The following TTC27 variants were observed in gnomAD, a reference collection of about 807,000 sequenced individuals.
TTC27 encodes the protein tetratricopeptide repeat protein 27.
In TTC27, 79 loss-of-function variants were observed where a neutral mutation model predicts 115.9. The observed-to-expected ratio is 0.68, with a 90% CI of 0.57 to 0.82. The LOEUF (loss-of-function observed/expected upper bound fraction) is 0.82. Among genes scored for constraint, TTC27 ranks in the 40% least tolerant of loss-of-function variants. The pLI, the probability that TTC27 is intolerant of heterozygous loss-of-function variation, is 0.00. For synonymous variants in TTC27, 401 were observed against 356.0 expected (o/e 1.13, Z -1.42); for missense variants, 1,054 against 993.1 (o/e 1.06, Z -0.82).
Position 32,821,019 on chromosome 2 carries a change from T to C in TTC27, c.*81T>C, listed in dbSNP as rs1439530909. The C allele has an allele frequency of 1.6e-6, 2 of 1,251,964 alleles. No homozygotes were observed. The highest frequency in any genetic ancestry group is 1.0e-6 in the Non-Finnish European group (1 of 971,716). The allele number at this position is 1,251,964 out of a possible 1,614,324, so 77.6% of individuals were successfully genotyped here. A position where few individuals can be genotyped will look rare whatever the true frequency, so the allele number is the denominator to read the frequency against. On this transcript the variant is annotated 3_prime_UTR_variant, in exon 20 of 20. Transcript: ENST00000317907. ...TCTGTATATCTGAAATGCAAGATAT[T>C]GATTTTTAAAATAAATTTGTTTTAT...
chr2:32,720,661 A>C (rs1267884075), intron 10 of TTC27, among the ~76,000 whole-genome samples: 1 of 152,206 alleles, frequency 6.6e-6, no homozygotes, highest in Non-Finnish European at 1.5e-5. Flanking sequence ...TTCCTAAAAA[A>C]TAGTGAATTA....
At chr2:32,684,300 A>T (rs187002723) in intron 9 of TTC27, among the ~76,000 whole-genome samples, 74 of 152,288 alleles carry the variant, frequency 4.9e-4, no homozygotes, top group African/African-American at 1.6e-3. Context: ...TATATGTGCC[A>T]CATTTTCTTA....
intron 19 of TTC27, among the ~76,000 whole-genome samples, chr2:32,820,016 G>A (rs1327549259): frequency 6.6e-6 from 1 of 152,222 alleles, no homozygotes; most frequent in Non-Finnish European, 1.5e-5. Flanking sequence ...TGATGACATT[G>A]GAGCAGTTCC....
chr2:32,676,948 A>T (rs1666231559), intron 8 of TTC27, among the ~76,000 whole-genome samples: 1 of 151,736 alleles, frequency 6.6e-6, no homozygotes, highest in South Asian at 2.1e-4. Context: ...TTCATATATT[A>T]AGAATATTTA....
chr2:32,635,127 A>G (rs1036755895), intron 3 of TTC27: 1 of 152,222 alleles, frequency 6.6e-6, no homozygotes, highest in Non-Finnish European at 1.5e-5. Context: ...TGTGTCGCCA[A>G]TAGAGCTTGC....
intron 11 of TTC27, among the ~76,000 whole-genome samples, chr2:32,735,264 G>A (rs1406128449): frequency 1.3e-5 from 2 of 152,182 alleles, no homozygotes; most frequent in Non-Finnish European, 2.9e-5. Context: ...AAAAGGAATA[G>A]CTTCTTCATC....
intron 12 of TTC27, among the ~76,000 whole-genome samples, chr2:32,755,409 C>G (rs1406281684): frequency 6.6e-6 from 1 of 152,222 alleles, no homozygotes; most frequent in South Asian, 2.1e-4. Context: ...AGCGAAACCC[C>G]GTCTCCACCA....
chr2:32,629,979 G>C (rs1664112413), intron 1 of TTC27, among the ~76,000 whole-genome samples: 1 of 152,178 alleles, frequency 6.6e-6, no homozygotes, highest in Non-Finnish European at 1.5e-5. Context: ...AACTTTCCTA[G>C]AAGAAGTTAG....
intron 12 of TTC27, among the ~76,000 whole-genome samples, chr2:32,753,243 A>G (rs1343420276): frequency 6.6e-6 from 1 of 152,126 alleles, no homozygotes; most frequent in Non-Finnish European, 1.5e-5. Context: ...GAGGATTGCA[A>G]GAGAACCACA....
At chr2:32,780,254 G>T in intron 14 of TTC27, 1 of 273,886 alleles carries the variant, frequency 3.7e-6, no homozygotes, top group South Asian at 3.6e-5. Context: ...GGGGAGTACT[G>T]CCATCTTAAT....
chr2:32,628,219 G>A lies in TTC27; in HGVS notation c.-74G>A. 2.1e-6 allele frequency: 3 copies of A among 1,445,144 alleles called. No individual in the cohort carries two copies. Among genetic ancestry groups the A allele is most frequent in the Non-Finnish European group, 2.9e-6 (3 of 1,047,204 alleles). 89.5% of individuals were successfully genotyped at this position (1,445,144 alleles called of 1,614,324 possible). On this transcript the variant is annotated 5_prime_UTR_variant, in exon 1 of 20. Transcript: ENST00000317907. ...GATTTCAGCGCCTTTGGACTCTCCTGTTTTCACTTTCTTTTGTTGACTCCC... is the reference window on the plus strand; with the variant it reads ...GATTTCAGCGCCTTTGGACTCTCCTATTTTCACTTTCTTTTGTTGACTCCC...
chr2:32,679,921 G>A (rs1185061522), intron 9 of TTC27, among the ~76,000 whole-genome samples: 1 of 152,160 alleles, frequency 6.6e-6, no homozygotes, highest in Non-Finnish European at 1.5e-5. Flanking sequence ...AACCCGGAAG[G>A]CGGAGGTTGC....
intron 13 of TTC27, among the ~76,000 whole-genome samples, chr2:32,773,633 G>A (rs1036061152): frequency 2.0e-5 from 3 of 152,208 alleles, no homozygotes; most frequent in Admixed American, 6.5e-5. Context: ...GCCTCTCTTA[G>A]GAGAGTGAGA....
chr2:32,649,166 G>T (rs1378774863), intron 4 of TTC27, among the ~76,000 whole-genome samples: 1 of 152,018 alleles, frequency 6.6e-6, no homozygotes, highest in Non-Finnish European at 1.5e-5. Context: ...ATCAGTATGT[G>T]CCACACTAGC....
chr2:32,770,482 G>C (rs962857182), intron 13 of TTC27, among the ~76,000 whole-genome samples: 1 of 152,188 alleles, frequency 6.6e-6, no homozygotes. Flanking sequence ...TTGAGGTCAA[G>C]TTATAAAAAG....
At position 32,817,471 on chromosome 2, in the gene TTC27, A is replaced by G. The variant is rs760632866; in HGVS notation, c.2323A>G (p.Ser775Gly). The G allele has an allele frequency of 1.2e-6, 2 of 1,613,998 alleles. No homozygotes were observed. The highest frequency in any genetic ancestry group is 1.1e-5 in the South Asian group (1 of 91,068). ...LGLAHVAIKC[S>G]KNKSSSQEAV... ...TTATCTTCCAGTGGCCATAAAATGC[A>G]GTAAAAACAAATCCAGTTCCCAAGA... The change falls in exon 19 of 20, where the codon AGT becomes GGT. Residue 775 changes from serine (S) to glycine (G), a missense_variant. Physicochemically the swap from Ser to Gly is moderately conservative, Grantham distance 56. Transcript: ENST00000317907.
At chr2:32,744,171 A>G (rs1032414631) in intron 12 of TTC27, among the ~76,000 whole-genome samples, 16 of 152,188 alleles carry the variant, frequency 1.1e-4, no homozygotes, top group Admixed American at 3.3e-4. Context: ...TGGCTCTCAT[A>G]TTTACAGCTA....
chr2:32,811,928 C>T (rs971357396), intron 17 of TTC27, among the ~76,000 whole-genome samples: 1 of 151,680 alleles, frequency 6.6e-6, no homozygotes, highest in Non-Finnish European at 1.5e-5. Context: ...TCCCTCAATC[C>T]ACACAGCTGG....
chr2:32,729,707 G>A (rs1453161586), intron 10 of TTC27, among the ~76,000 whole-genome samples: 2 of 151,510 alleles, frequency 1.3e-5, no homozygotes, highest in African/African-American at 2.4e-5. Context: ...CTCTCTCTCT[G>A]CTTGTTACCT....
Sources: allele counts gnomAD v4.1 joint callset (sites outside exome capture counted in the v4.1 genomes callset), GRCh38; gene constraint gnomAD v4.1.1; transcripts MANE v1.5; gene names NCBI Gene and HGNC (gene_info 2026-07-23, HGNC 2026-07-21).